C2orf42: variants seen among roughly 807,000 people sequenced by gnomAD.
C2orf42 encodes chromosome 2 open reading frame 42, also known as uncharacterized protein C2orf42.
Under a neutral mutation model 58.9 loss-of-function variants are expected in C2orf42, and 44 were observed. The ratio of observed to expected loss-of-function variants is 0.75; its 90% confidence interval spans 0.59 to 0.96. The LOEUF is 0.96. C2orf42 is among the 40% of genes least tolerant of loss of function. C2orf42 has a pLI of 0.00. For missense variants in C2orf42, 630 were observed against 699.2 expected (o/e 0.90, Z 1.12); for synonymous variants, 239 against 265.4 (o/e 0.90, Z 0.97).
Position 70,175,517 on chromosome 2 carries a change from T to C in C2orf42, c.1039+156A>G, listed in dbSNP as rs559559851. 3.9e-4 allele frequency among the ~76,000 whole-genome samples: 59 copies of C among 152,324 alleles called. 1 individual carries two copies. The South Asian group carries it at 7.4e-3, about 19-fold the overall frequency. On this transcript the variant is annotated intron_variant, in intron 5 of 9. Transcript: ENST00000264434. ...AGCATAATTTAGCTTTGAGCATGAT[T>C]TGAAACTGGTGGGACAGGAGGGACC...
intron 9 of C2orf42, among the ~76,000 whole-genome samples, chr2:70,151,578 G>A (rs1242324657): frequency 6.6e-6 from 1 of 151,806 alleles, no homozygotes. Flanking sequence ...AGGCTTCAGT[G>A]AGCCAAGATC....
At chr2:70,176,366 C>T (rs1044591457) in intron 4 of C2orf42, among the ~76,000 whole-genome samples, 3 of 151,934 alleles carry the variant, frequency 2.0e-5, no homozygotes, top group Non-Finnish European at 4.4e-5. Context: ...TAGCCGGGCG[C>T]GGTGGCAGGT....
At chr2:70,181,061 C>A in intron 3 of C2orf42, 102 bp downstream of exon 3, 13 of 426,112 alleles carry the variant, frequency 3.1e-5, no homozygotes, top group South Asian at 3.4e-5. Context: ...TATCTAGCAA[C>A]TGTTTCTGAA....
chr2:70,156,150 C>T (rs925992078), intron 9 of C2orf42, among the ~76,000 whole-genome samples: 8 of 150,350 alleles, frequency 5.3e-5, no homozygotes, highest in African/African-American at 1.5e-4. Context: ...AGTGAAACTC[C>T]GTCTCAAAAA....
intron 9 of C2orf42, among the ~76,000 whole-genome samples, chr2:70,151,084 G>A (rs966748010): frequency 6.6e-6 from 1 of 152,160 alleles, no homozygotes; most frequent in Non-Finnish European, 1.5e-5. Context: ...AGGCATGGTA[G>A]TTCATGCCTG....
chr2:70,161,579 G>A (rs1019748732), intron 8 of C2orf42, among the ~76,000 whole-genome samples: 7 of 152,014 alleles, frequency 4.6e-5, no homozygotes, highest in Non-Finnish European at 8.8e-5. Flanking sequence ...GGTGGCTCAC[G>A]CCTGTAATCC....
intron 9 of C2orf42, among the ~76,000 whole-genome samples, chr2:70,158,454 G>A (rs1336061467): frequency 2.0e-5 from 3 of 151,434 alleles, no homozygotes; most frequent in African/African-American, 7.3e-5. Flanking sequence ...TTATTTGTTT[G>A]TTTGTTTGTT....
At chr2:70,168,938 C>T (rs1673601256) in intron 6 of C2orf42, among the ~76,000 whole-genome samples, 1 of 151,976 alleles carries the variant, frequency 6.6e-6, no homozygotes, top group South Asian at 2.1e-4. Context: ...TTGTCTTGAA[C>T]TCCTGACCTC....
In C2orf42 at chr2:70,160,618, C is replaced by T. The variant is rs763474631; in HGVS notation, c.1516+7G>A. ...CAAAGGAAGATGCAGTTTTGAAGTT[C>T]ACTTACCAACTTTGAGAAAAGTTTT... On this transcript the variant is annotated splice_region_variant and intron_variant, in intron 9 of 9. Transcript: ENST00000264434. 6.2e-7 allele frequency: 1 copy of T among 1,602,664 alleles called. No individual in the cohort carries two copies. The highest frequency in any genetic ancestry group is 1.3e-5 in the African/African-American group (1 of 74,532).
chr2:70,186,220 C>T (rs72902419), intron 1 of C2orf42, among the ~76,000 whole-genome samples: 18,079 of 151,778 alleles, frequency 0.12, 1,436 homozygotes, highest in African/African-American at 0.23. Context: ...TTACCATGAA[C>T]GATCTCTGTG....
intron 5 of C2orf42, among the ~76,000 whole-genome samples, chr2:70,174,073 T>G (rs1291330870): frequency 6.6e-6 from 1 of 152,132 alleles, no homozygotes; most frequent in African/African-American, 2.4e-5. Flanking sequence ...TTTGTGAGGC[T>G]GAGGTGAGCA....
At chr2:70,180,528 A>C (rs1674484094) in intron 3 of C2orf42, among the ~76,000 whole-genome samples, 1 of 147,586 alleles carries the variant, frequency 6.8e-6, no homozygotes, top group Non-Finnish European at 1.5e-5. Flanking sequence ...GGATTCCTTG[A>C]ACCCAGGAGG....
intron 9 of C2orf42, among the ~76,000 whole-genome samples, chr2:70,158,624 C>T (rs1433577330): frequency 4.6e-5 from 7 of 151,974 alleles, no homozygotes; most frequent in South Asian, 2.1e-4. Flanking sequence ...TAATGTTTTG[C>T]ATTTTAGTAG....
chr2:70,163,535 G>A (rs1339768009), intron 8 of C2orf42, among the ~76,000 whole-genome samples: 8 of 151,754 alleles, frequency 5.3e-5, no homozygotes, highest in African/African-American at 1.9e-4. Context: ...GTGAGCCACC[G>A]CACCCAGCCC....
chr2:70,157,510 TATA>T (rs1298772823), intron 9 of C2orf42, among the ~76,000 whole-genome samples: 1 of 142,970 alleles, frequency 7.0e-6, no homozygotes, highest in Non-Finnish European at 1.5e-5. Flanking sequence ...GAAAAAGCTA[TATA>T]TAGCTGGGCG....
chr2:70,189,219 C>T (rs990131849), intron 1 of C2orf42, among the ~76,000 whole-genome samples: 1 of 147,874 alleles, frequency 6.8e-6, no homozygotes, highest in African/African-American at 2.5e-5. Flanking sequence ...CCAGCCTGAA[C>T]AACATGGAGA....
intron 1 of C2orf42, among the ~76,000 whole-genome samples, chr2:70,185,786 TAC>T (rs1376322691): frequency 6.8e-6 from 1 of 147,844 alleles, no homozygotes; most frequent in Non-Finnish European, 1.5e-5. Context: ...TATATATATA[TAC>T]ACACACACAT....
intron 1 of C2orf42, among the ~76,000 whole-genome samples, chr2:70,185,993 TAAAAAAA>T (rs746486291): frequency 1.0e-5 from 1 of 99,324 alleles, no homozygotes. Flanking sequence ...TCCCTAATTG[TAAAAAAA>T]AAAAAAAAAA....
intron 3 of C2orf42, among the ~76,000 whole-genome samples, chr2:70,180,355 C>T (rs1674470918): frequency 6.6e-6 from 1 of 151,752 alleles, no homozygotes; most frequent in South Asian, 2.1e-4. Flanking sequence ...TGCCTGTAAT[C>T]CCAGTACTTT....
Sources: gnomAD v4.1 joint callset for allele counts (sites outside exome capture counted in the v4.1 genomes callset) on GRCh38, gnomAD v4.1.1 for gene constraint, MANE v1.5 for transcripts, NCBI Gene and HGNC (gene_info 2026-07-23, HGNC 2026-07-21) for gene names.